The following DCDC1 variants were observed in gnomAD, a reference collection of about 807,000 sequenced individuals.
The protein encoded by DCDC1 is doublecortin domain-containing protein 1.
Under a neutral mutation model 178.3 loss-of-function variants are expected in DCDC1, and 200 were observed. The observed-to-expected ratio is 1.12, with a 90% confidence interval of 1.00 to 1.26. DCDC1 has a LOEUF of 1.26. Among genes scored for constraint, DCDC1 ranks in the 50% most tolerant of loss-of-function variants. DCDC1 has a pLI of 0.00. For missense variants in DCDC1, 1,983 were observed against 1,749.2 expected (o/e 1.13, Z -2.38); for synonymous variants, 690 against 604.8 (o/e 1.14, Z -2.07).
chr11:31,269,316 T>A (rs955629378), intron 7 of DCDC1, among the ~76,000 whole-genome samples: 17 of 152,312 alleles, frequency 1.1e-4, no homozygotes, highest in African/African-American at 4.1e-4. Context: ...TAAAATAGCA[T>A]TTCCACTAAT....
chr11:31,256,058 A>G (rs973047829), intron 8 of DCDC1, among the ~76,000 whole-genome samples: 4 of 152,202 alleles, frequency 2.6e-5, no homozygotes, highest in Admixed American at 2.6e-4. Flanking sequence ...CAGTTCTACC[A>G]GCACCATTGA....
rs535598381 is a variant in DCDC1 at position 31,213,523 on chromosome 11, C to A, written c.1221+27927G>T. ...AATCACAAGGTCAGGAGTTTGAGAC[C>A]AGCCTGACCAACATGGTGAAACCCC... On this transcript the variant is annotated intron_variant, in intron 9 of 38. Coordinates refer to ENST00000684477, the MANE Select transcript of DCDC1 (RefSeq NM_001387274.1). Among the ~76,000 whole-genome samples the A allele has an allele frequency of 2.7e-3, 403 of 151,964 alleles. 4 individuals carry two copies. Among genetic ancestry groups the A allele is most frequent in the Non-Finnish European group, 3.9e-3 (267 of 67,966 alleles).
intron 7 of DCDC1, among the ~76,000 whole-genome samples, chr11:31,281,843 T>C (rs904862929): frequency 1.3e-5 from 2 of 152,166 alleles, no homozygotes; most frequent in Non-Finnish European, 2.9e-5. Context: ...TCCTCAGTCA[T>C]GTGAAACTGT....
intron 36 of DCDC1, chr11:30,883,586 T>G: frequency 3.6e-6 from 1 of 280,664 alleles, no homozygotes; most frequent in Non-Finnish European, 7.5e-6. Flanking sequence ...AAAGTGTGGA[T>G]TTCAAGCATG....
At chr11:31,064,760 C>T (rs1590926275) in intron 19 of DCDC1, 134 bp from the exon 20 acceptor site, 4 of 589,484 alleles carry the variant, frequency 6.8e-6, no homozygotes, top group South Asian at 2.2e-5. Flanking sequence ...GTCCTTTGTA[C>T]GTGGCCAAAA....
At chr11:31,349,277 A>T (rs1302591593) in intron 1 of DCDC1, among the ~76,000 whole-genome samples, 2 of 152,192 alleles carry the variant, frequency 1.3e-5, no homozygotes, top group Non-Finnish European at 2.9e-5. Context: ...TGTTATGATG[A>T]ACAAATCAAT....
At chr11:30,969,204 G>T (rs1949642272) in intron 20 of DCDC1, among the ~76,000 whole-genome samples, 1 of 152,114 alleles carries the variant, frequency 6.6e-6, no homozygotes, top group Non-Finnish European at 1.5e-5. Context: ...AACTTTGTGG[G>T]TATGATTAAG....
At position 31,101,277 on chromosome 11, in the gene DCDC1, G is replaced by A. The variant is rs191061926; in HGVS notation, c.1983+900C>T. 1.8e-4 allele frequency among the ~76,000 whole-genome samples: 27 copies of A among 152,084 alleles called. No individual in the cohort carries two copies. The Middle Eastern group carries it at 0.01, about 58-fold the overall frequency. ...TACACTGCTAAAATGAGCAACAACC[G>A]TACACAGCACTTGCCAGCTAAGAAA... is the stretch of plus-strand genomic sequence containing the variant. On this transcript the variant is annotated intron_variant, in intron 15 of 38. Coordinates refer to ENST00000684477, the MANE Select transcript of DCDC1 (RefSeq NM_001387274.1).
At chr11:31,098,675 G>T (rs1278266220) in intron 15 of DCDC1, among the ~76,000 whole-genome samples, 1 of 152,122 alleles carries the variant, frequency 6.6e-6, no homozygotes. Flanking sequence ...ACAATAAAAT[G>T]CCCTATAGAT....
chr11:31,293,875 A>T (rs1256253835), intron 6 of DCDC1, among the ~76,000 whole-genome samples: 1 of 152,180 alleles, frequency 6.6e-6, no homozygotes, highest in African/African-American at 2.4e-5. Flanking sequence ...ACTACCATAT[A>T]TCTCAAATTC....
chr11:31,203,824 C>T (rs910928159), intron 9 of DCDC1, among the ~76,000 whole-genome samples: 1 of 152,182 alleles, frequency 6.6e-6, no homozygotes, highest in Non-Finnish European at 1.5e-5. Context: ...ATCACTGCTT[C>T]TATTCAACAT....
At chr11:31,272,453 C>G (rs999093807) in intron 7 of DCDC1, among the ~76,000 whole-genome samples, 1 of 152,136 alleles carries the variant, frequency 6.6e-6, no homozygotes, top group South Asian at 2.1e-4. Context: ...GTCCACAGTC[C>G]AAAGTTTCAT....
At chr11:31,307,544 A>T in intron 4 of DCDC1, 95 bp downstream of exon 4, 2 of 1,472,198 alleles carry the variant, frequency 1.4e-6, no homozygotes, top group Non-Finnish European at 1.8e-6. Context: ...GTTACATTTT[A>T]ATGTCTGAGA....
At chr11:30,882,891 C>T (rs771521083) in intron 36 of DCDC1, 1 of 152,156 alleles carries the variant, frequency 6.6e-6, no homozygotes. Flanking sequence ...AAAAATATGA[C>T]TTCTGTGTGT....
At chr11:31,122,251 C>T (rs771597405) in intron 11 of DCDC1, among the ~76,000 whole-genome samples, 24 of 152,062 alleles carry the variant, frequency 1.6e-4, no homozygotes, top group Non-Finnish European at 3.1e-4. Context: ...ACCACCATCA[C>T]GAATTCTAAG....
At chr11:31,111,201 C>G (rs935160447) in intron 11 of DCDC1, among the ~76,000 whole-genome samples, 1 of 151,848 alleles carries the variant, frequency 6.6e-6, no homozygotes, top group African/African-American at 2.4e-5. Flanking sequence ...TTTCTTCCCT[C>G]TCTGATATGC....
At chr11:31,186,412 T>C (rs1477567010) in intron 9 of DCDC1, among the ~76,000 whole-genome samples, 1 of 152,220 alleles carries the variant, frequency 6.6e-6, no homozygotes, top group African/African-American at 2.4e-5. Context: ...TCACCCACTG[T>C]ATAACTTAAC....
chr11:31,213,786 T>C (rs1973168081), intron 9 of DCDC1, among the ~76,000 whole-genome samples: 2 of 151,728 alleles, frequency 1.3e-5, no homozygotes. Context: ...GTCCATGACA[T>C]AGTAGATAAT....
intron 15 of DCDC1, among the ~76,000 whole-genome samples, chr11:31,094,557 A>C (rs565137454): frequency 6.6e-6 from 1 of 152,272 alleles, no homozygotes; most frequent in African/African-American, 2.4e-5. Flanking sequence ...TGCTGGAGTA[A>C]CCTAAAGGTG....
Sources: allele counts gnomAD v4.1 joint callset (sites outside exome capture counted in the v4.1 genomes callset), GRCh38; gene constraint gnomAD v4.1.1; transcripts MANE v1.5; gene names NCBI Gene and HGNC (gene_info 2026-07-23, HGNC 2026-07-21).